Variants in CLDN10 observed in about 807,000 individuals in gnomAD.
The protein encoded by CLDN10 is claudin 10.
Under a neutral mutation model 22.9 loss-of-function variants are expected in CLDN10, and 15 were observed. The ratio of observed to expected loss-of-function variants is 0.65; its 90% CI spans 0.44 to 1.01. CLDN10 has a LOEUF of 1.01. Among genes scored for constraint, CLDN10 ranks in the 50% least tolerant of loss-of-function variants. CLDN10 has a pLI of 0.00. For missense variants in CLDN10, 247 were observed against 287.8 expected (o/e 0.86, Z 1.03); for synonymous variants, 114 against 111.4 (o/e 1.02, Z -0.15).
At chr13:95,547,303 C>A (rs1171733145) in intron 1 of CLDN10, among the ~76,000 whole-genome samples, 1 of 152,164 alleles carries the variant, frequency 6.6e-6, no homozygotes, top group East Asian at 1.9e-4. Flanking sequence ...TTCCCTCCCT[C>A]TGCCCTCACT....
At chr13:95,459,233 G>A (rs150264539) in intron 1 of CLDN10, among the ~76,000 whole-genome samples, 19 of 152,276 alleles carry the variant, frequency 1.2e-4, no homozygotes, top group African/African-American at 2.6e-4. Flanking sequence ...GGTGTAAGCC[G>A]TCAGTAGATC....
intron 1 of CLDN10, among the ~76,000 whole-genome samples, chr13:95,497,334 A>G (rs775785158): frequency 2.0e-5 from 3 of 152,220 alleles, no homozygotes; most frequent in Non-Finnish European, 4.4e-5. Context: ...AGGACAATAT[A>G]GCATTGAAAG....
intron 3 of CLDN10, among the ~76,000 whole-genome samples, chr13:95,573,104 C>G (rs1418651419): frequency 6.6e-6 from 1 of 152,204 alleles, no homozygotes; most frequent in East Asian, 1.9e-4. Flanking sequence ...TGGAGAGTGA[C>G]TTCACCTTAG....
chr13:95,462,153 G>T (rs912220530), intron 1 of CLDN10, among the ~76,000 whole-genome samples: 1 of 152,102 alleles, frequency 6.6e-6, no homozygotes, highest in Non-Finnish European at 1.5e-5. Context: ...GAAGAATTTT[G>T]TTGGGTAAAG....
At position 95,489,213 on chromosome 13, in the gene CLDN10, T is replaced by C. The variant is rs191424274; in HGVS notation, c.214+55166T>C. On this transcript the variant is annotated intron_variant, in intron 1 of 4. Coordinates refer to the CLDN10 transcript ENST00000376873. ...ATCCACCTGCCTTGGCCTCCCAAAG[T>C]GCTGGGATTACAGATGTAAGCCACC... 8.7e-4 allele frequency among the ~76,000 whole-genome samples: 133 copies of C among 152,188 alleles called. 1 individual carries two copies. The highest frequency in any genetic ancestry group is 3.0e-3 in the African/African-American group (125 of 41,530).
At chr13:95,514,981 C>A (rs1243458177) in intron 1 of CLDN10, among the ~76,000 whole-genome samples, 1 of 152,122 alleles carries the variant, frequency 6.6e-6, no homozygotes, top group Non-Finnish European at 1.5e-5. Flanking sequence ...GGTGAACTTG[C>A]AGGAGACTTG....
chr13:95,514,118 CA>C (rs1224696972), intron 1 of CLDN10, among the ~76,000 whole-genome samples: 5 of 152,118 alleles, frequency 3.3e-5, no homozygotes, highest in African/African-American at 1.2e-4. Flanking sequence ...ATTAGCCAGG[CA>C]TGGTGGTGCA....
chr13:95,572,452 T>C (rs2138681390), intron 3 of CLDN10, among the ~76,000 whole-genome samples: 1 of 152,282 alleles, frequency 6.6e-6, no homozygotes, highest in East Asian at 1.9e-4. Context: ...GAGCCTTAGT[T>C]TCCTCATTTG....
intron 1 of CLDN10, among the ~76,000 whole-genome samples, chr13:95,496,671 C>T (rs1330510816): frequency 6.6e-6 from 1 of 152,180 alleles, no homozygotes; most frequent in Non-Finnish European, 1.5e-5. Flanking sequence ...GGAGAGTGAC[C>T]CAGCCCTTGT....
Position 95,552,961 on chromosome 13 carries a change from C to T in CLDN10, c.208C>T (p.Leu70=). 6.2e-7 allele frequency: 1 copy of T among 1,613,976 alleles called. No homozygotes were observed. Among genetic ancestry groups the T allele is most frequent in the Non-Finnish European group, 8.5e-7 (1 of 1,179,968 alleles). Residue 70 remains leucine, a synonymous_variant, in exon 1 of 5, where the codon CTG becomes TTG. Transcript: ENST00000299339. ...VSNCKDFPSM[L]ALDGYIQACR... is the part of the protein sequence containing the mutation. Reference sequence around the variant, plus strand: ...CAACTGCAAGGACTTCCCCTCCATGCTGGCGCTGGACGGTCTGCATCCCCG... The same window carrying T: ...CAACTGCAAGGACTTCCCCTCCATGTTGGCGCTGGACGGTCTGCATCCCCG...
At chr13:95,477,734 C>T (rs77756491) in intron 1 of CLDN10, among the ~76,000 whole-genome samples, 17,558 of 152,106 alleles carry the variant, frequency 0.12, 1,133 homozygotes, top group South Asian at 0.22. Context: ...AGAGAGGCAG[C>T]GTCTCAACCC....
intron 1 of CLDN10, among the ~76,000 whole-genome samples, chr13:95,446,990 A>G (rs1312081392): frequency 3.9e-5 from 6 of 152,202 alleles, no homozygotes; most frequent in Non-Finnish European, 8.8e-5. Context: ...CCAGGCACAG[A>G]GCCGAGTGAT....
intron 1 of CLDN10, among the ~76,000 whole-genome samples, chr13:95,487,534 G>T (rs558953763): frequency 1.3e-5 from 2 of 151,826 alleles, no homozygotes; most frequent in South Asian, 4.2e-4. Flanking sequence ...AGTTTCATTA[G>T]GAAAAAAAGA....
intron 1 of CLDN10, among the ~76,000 whole-genome samples, chr13:95,530,471 A>G (rs985747635): frequency 1.3e-5 from 2 of 152,310 alleles, no homozygotes; most frequent in African/African-American, 4.8e-5. Flanking sequence ...CAAGCCCAGG[A>G]AAGGCTGCCA....
At chr13:95,441,339 G>T (rs1292380288) in intron 1 of CLDN10, among the ~76,000 whole-genome samples, 1 of 152,092 alleles carries the variant, frequency 6.6e-6, no homozygotes, top group Admixed American at 6.6e-5. Flanking sequence ...TGACCTCCTG[G>T]GTTTAAGCAA....
chr13:95,539,042 G>A (rs1157872485), intron 1 of CLDN10, among the ~76,000 whole-genome samples: 1 of 152,094 alleles, frequency 6.6e-6, no homozygotes, highest in Non-Finnish European at 1.5e-5. Flanking sequence ...ATCATACCTG[G>A]CTAATTTTTG....
intron 1 of CLDN10, among the ~76,000 whole-genome samples, chr13:95,446,073 A>G (rs1397151874): frequency 1.3e-5 from 2 of 152,178 alleles, no homozygotes; most frequent in Non-Finnish European, 2.9e-5. Flanking sequence ...GTGGGAGAAG[A>G]TATTGGGTAG....
At chr13:95,436,152 C>T (rs2042268831) in intron 1 of CLDN10, among the ~76,000 whole-genome samples, 1 of 152,016 alleles carries the variant, frequency 6.6e-6, no homozygotes, top group Admixed American at 6.6e-5. Flanking sequence ...TTATTATGGT[C>T]CAGATATCTC....
chr13:95,445,921 C>T lies in CLDN10; in HGVS notation c.214+11874C>T, dbSNP rs138110141. 4.6e-5 allele frequency among the ~76,000 whole-genome samples: 7 copies of T among 152,156 alleles called. No homozygotes were observed. In the East Asian group the frequency reaches 7.7e-4, roughly 17 times the overall value. On this transcript the variant is annotated intron_variant, in intron 1 of 4. Coordinates refer to the CLDN10 transcript ENST00000376873. ...ATTGCATAGTTCTAGTCTTGCACAC[C>T]GTATATTTTAAGGGACATGAACATA...
Sources: allele counts gnomAD v4.1 joint callset (sites outside exome capture counted in the v4.1 genomes callset), GRCh38; gene constraint gnomAD v4.1.1; transcripts MANE v1.5; gene names NCBI Gene and HGNC (gene_info 2026-07-23, HGNC 2026-07-21).